The following FAM133B variants were observed in gnomAD, a reference collection of about 807,000 sequenced individuals.
FAM133B encodes family with sequence similarity 133 member B.
Under a neutral mutation model 46.4 loss-of-function variants are expected in FAM133B, and 25 were observed. The observed-to-expected ratio is 0.54, with a 90% confidence interval of 0.39 to 0.75. The LOEUF is 0.75. FAM133B is among the 30% of genes least tolerant of loss of function. The pLI, the probability that FAM133B is intolerant of heterozygous loss-of-function variation, is 0.00. For synonymous variants in FAM133B, 75 were observed against 86.0 expected, an observed-to-expected ratio of 0.87 and a Z score of 0.71; for missense variants, 205 against 277.6, an observed-to-expected ratio of 0.74 and a Z score of 1.86.
At chr7:92,571,828 T>A (rs1235756751) in intron 8 of FAM133B, among the ~76,000 whole-genome samples, 1 of 152,238 alleles carries the variant, frequency 6.6e-6, no homozygotes, top group East Asian at 1.9e-4. Flanking sequence ...CGGCAAGTTA[T>A]ACCCAGGAAC....
At chr7:92,584,261 T>A (rs1794976598) in intron 1 of FAM133B, among the ~76,000 whole-genome samples, 1 of 152,050 alleles carries the variant, frequency 6.6e-6, no homozygotes, top group Admixed American at 6.6e-5. Context: ...AGAATTTTGA[T>A]TGAAAATGAC....
In FAM133B at chr7:92,579,344, C is replaced by A; in HGVS notation, c.174G>T (p.Leu58Phe). Residue 58 changes from leucine (L) to phenylalanine (F), a missense_variant, in exon 3 of 11, where the codon TTG becomes TTT. By Grantham distance (22) the Leu-to-Phe change is conservative (BLOSUM62 0). Transcript: ENST00000445716. ...CATTCATTTTTTCTTCAAATTCAGC[C>A]AAAGCCTTGGAGCCTTTCTTTTTCT... is the stretch of plus-strand genomic sequence containing the variant. ...LEKKKKGSKA[L>F]AEFEEKMNEN... 6.2e-7 allele frequency: 1 copy of A among 1,610,132 alleles called. No individual in the cohort carries two copies. Among genetic ancestry groups the A allele is most frequent in the Non-Finnish European group, 8.5e-7 (1 of 1,178,980 alleles).
At chr7:92,582,075 C>G (rs1176974542) in intron 1 of FAM133B, among the ~76,000 whole-genome samples, 1 of 152,010 alleles carries the variant, frequency 6.6e-6, no homozygotes, top group Non-Finnish European at 1.5e-5. Flanking sequence ...GTGGTGAAAC[C>G]CTGCCTCTAC....
chr7:92,576,181 C>T lies in FAM133B; in HGVS notation c.466-360G>A, dbSNP rs545559937. 1.8e-3 allele frequency among the ~76,000 whole-genome samples: 279 copies of T among 152,248 alleles called. 1 individual carries two copies. Among genetic ancestry groups the T allele is most frequent in the Non-Finnish European group, 2.6e-3 (176 of 68,018 alleles). On this transcript the variant is annotated intron_variant, in intron 7 of 10. Coordinates refer to ENST00000445716, the MANE Select transcript of FAM133B (RefSeq NM_152789.4). ...GAGGCAACAATTTCTGCTTTTGAAT[C>T]CTTTGAGTTCTAGCTATTAATCTTC... is the stretch of plus-strand genomic sequence containing the variant.
rs1163522916 is a variant in FAM133B at position 92,590,129 on chromosome 7, G to C, written c.24+139C>G. On this transcript the variant is annotated intron_variant, in intron 1 of 10. Transcript: ENST00000445716. Reference sequence around the variant, plus strand: ...GCGCGGCGCACGCGCATCTGGGATCGGCGGAGGGTGCTGGGTCTCCAGGCC... The same window carrying C: ...GCGCGGCGCACGCGCATCTGGGATCCGCGGAGGGTGCTGGGTCTCCAGGCC... 4.7e-6 allele frequency: 6 copies of C among 1,288,042 alleles called. No homozygotes were observed. In the Admixed American group the frequency reaches 6.7e-5, roughly 14 times the overall value. 79.8% of individuals were successfully genotyped at this position (1,288,042 alleles called of 1,614,324 possible).
chr7:92,566,048 T>C lies in FAM133B; in HGVS notation c.623A>G (p.Lys208Arg), dbSNP rs1379359397. Residue 208 changes from lysine to arginine, a missense_variant, in exon 10 of 11, where the codon AAG becomes AGG. Transcript: ENST00000445716. The part of the protein sequence containing the change: ...SEYIEEVRAK[K>R]KKSSEEREKA... Reference sequence around the variant, plus strand: ...TTCTCGTTCTTCACTGCTTTTCTTCTTTTTTGCTCGCACCTAGAAAGTTTA... The same window carrying C: ...TTCTCGTTCTTCACTGCTTTTCTTCCTTTTTGCTCGCACCTAGAAAGTTTA... 1 of 1,613,580 alleles carries C rather than the reference T, an allele frequency of 6.2e-7. No individual in the cohort carries two copies. Among genetic ancestry groups the C allele is most frequent in the East Asian group, 2.2e-5 (1 of 44,878 alleles).
intron 9 of FAM133B, among the ~76,000 whole-genome samples, chr7:92,567,992 G>A (rs1292100689): frequency 3.3e-5 from 5 of 152,134 alleles, no homozygotes; most frequent in Admixed American, 6.5e-5. Context: ...TTTAACTCCC[G>A]ACCTCAGGTG....
chr7:92,565,926 T>C (rs1794332745), intron 10 of FAM133B, 88 bp downstream of exon 10: 19 of 1,396,826 alleles, frequency 1.4e-5, no homozygotes, highest in Non-Finnish European at 1.9e-5. Flanking sequence ...TTGGTCCCAG[T>C]AAATCCAATC....
chr7:92,575,753 A>T lies in FAM133B; in HGVS notation c.516+18T>A, dbSNP rs1215841527. 2 of 1,319,654 alleles carry T rather than the reference A, an allele frequency of 1.5e-6. No homozygotes were observed. Among genetic ancestry groups the T allele is most frequent in the Non-Finnish European group, 2.2e-6 (2 of 924,572 alleles). The allele number at this position is 1,319,654 out of a possible 1,614,324, so 81.7% of individuals were successfully genotyped here. ...TTATATGACAGACTATCTTAAGGCA[A>T]TGTAAAAGTATAGTTACCTTTTCTT... On this transcript the variant is annotated intron_variant, in intron 8 of 10. Transcript: ENST00000445716.
At chr7:92,589,620 T>A (rs1795132818) in intron 1 of FAM133B, among the ~76,000 whole-genome samples, 1 of 152,142 alleles carries the variant, frequency 6.6e-6, no homozygotes, top group Non-Finnish European at 1.5e-5. Context: ...AAACTGACAT[T>A]CCAGTTTTGT....
Position 92,590,337 on chromosome 7 carries a change from G to A in FAM133B, c.-46C>T. 8 of 1,612,746 alleles carry A rather than the reference G, an allele frequency of 5.0e-6. No homozygotes were observed. Among genetic ancestry groups the A allele is most frequent in the Non-Finnish European group, 5.9e-6 (7 of 1,179,446 alleles). The stretch of plus-strand genomic sequence containing the variant: ...GTAGCACGCCGAGGGAAACCGGGCC[G>A]GAGAGACTGCCGAAGAGGGCCTGCC... On this transcript the variant is annotated 5_prime_UTR_variant, in exon 1 of 11. Coordinates refer to ENST00000445716, the MANE Select transcript of FAM133B (RefSeq NM_152789.4).
At chr7:92,581,669 A>C in intron 1 of FAM133B, 66 bp from the exon 2 acceptor site, 13 of 1,226,238 alleles carry the variant, frequency 1.1e-5, no homozygotes, top group Non-Finnish European at 1.4e-5. Flanking sequence ...TCACTTACTC[A>C]TCAAGTAATC....
chr7:92,581,988 C>A (rs1044274360), intron 1 of FAM133B, among the ~76,000 whole-genome samples: 2 of 152,150 alleles, frequency 1.3e-5, no homozygotes, highest in African/African-American at 4.8e-5. Flanking sequence ...GTGGCTCACG[C>A]CTGTAACCCC....
At chr7:92,589,901 C>T in intron 1 of FAM133B, 1 of 299,506 alleles carries the variant, frequency 3.3e-6, no homozygotes, top group Non-Finnish European at 6.3e-6. Context: ...TCGGATGCGT[C>T]CAAGGGCCTA....
At chr7:92,577,304 T>C in intron 6 of FAM133B, 109 bp from the exon 7 acceptor site, 3 of 689,832 alleles carry the variant, frequency 4.3e-6, no homozygotes, top group Non-Finnish European at 6.6e-6. Context: ...AAAGGATCAG[T>C]TTCTATATTT....
chr7:92,590,036 C>G, intron 1 of FAM133B: 1 of 604,164 alleles, frequency 1.7e-6, no homozygotes, highest in Non-Finnish European at 2.9e-6. Flanking sequence ...CCAGAAAGAG[C>G]GACGAGGTGA....
At chr7:92,565,344 C>T (rs961156103) in intron 10 of FAM133B, among the ~76,000 whole-genome samples, 16 of 148,738 alleles carry the variant, frequency 1.1e-4, no homozygotes, top group Non-Finnish European at 1.9e-4. Context: ...TTAGTAGAGA[C>T]GGGGTTTCAC....
intron 1 of FAM133B, among the ~76,000 whole-genome samples, chr7:92,586,903 C>T (rs6943234): frequency 3.2e-3 from 486 of 152,182 alleles, no homozygotes; most frequent in African/African-American, 0.011. Context: ...TTTACAAGTC[C>T]TGAATTAAAA....
At chr7:92,563,149 G>GA in intron 10 of FAM133B, among the ~76,000 whole-genome samples, 6 of 152,166 alleles carry the variant, frequency 3.9e-5, no homozygotes, top group African/African-American at 1.4e-4. Context: ...AGAAGAAAAT[G>GA]AAAAGCAAAA....
Sources: gnomAD v4.1 joint callset for allele counts (sites outside exome capture counted in the v4.1 genomes callset) on GRCh38, gnomAD v4.1.1 for gene constraint, MANE v1.5 for transcripts, NCBI Gene and HGNC (gene_info 2026-07-23, HGNC 2026-07-21) for gene names.